Variants in ATAD2B observed in about 807,000 individuals in gnomAD.
ATAD2B encodes ATPase family AAA domain containing 2B.
In ATAD2B, 40 loss-of-function variants were observed where a neutral mutation model predicts 167.6. The observed-to-expected ratio is 0.24, with a 90% CI of 0.19 to 0.31. The LOEUF is 0.31. Among genes scored for constraint, ATAD2B ranks in the 10% least tolerant of loss-of-function variants. The pLI is 1.00. For missense variants in ATAD2B, 1,242 were observed against 1,757.2 expected (o/e 0.71, Z 5.24); for synonymous variants, 579 against 596.5 (o/e 0.97, Z 0.43).
chr2:23,731,039 T>A, the ATAD2B span, among the ~76,000 whole-genome samples: 2 of 151,406 alleles, frequency 1.3e-5, no homozygotes, highest in African/African-American at 4.8e-5. Context: ...GTTGTGTCAA[T>A]AGGACTCGGG....
chr2:23,685,609 A>G, the ATAD2B span, among the ~76,000 whole-genome samples: 3 of 152,222 alleles, frequency 2.0e-5, no homozygotes, highest in African/African-American at 7.2e-5. Flanking sequence ...CCCTGTGGGC[A>G]GGCTCTGGCT....
the ATAD2B span, among the ~76,000 whole-genome samples, chr2:23,698,626 G>A: frequency 1.3e-5 from 2 of 152,134 alleles, no homozygotes; most frequent in Non-Finnish European, 2.9e-5. Context: ...TATAGATTAA[G>A]ACAACAGCAC....
At chr2:23,792,163 C>T (rs548761792) in intron 19 of ATAD2B, among the ~76,000 whole-genome samples, 3 of 151,310 alleles carry the variant, frequency 2.0e-5, no homozygotes, top group East Asian at 2.0e-4. Flanking sequence ...CCTGGGTTCA[C>T]GCCATTCTCC....
At chr2:23,703,150 A>G in the ATAD2B span, 2 of 1,390,340 alleles carry the variant, frequency 1.4e-6, no homozygotes, top group Non-Finnish European at 9.4e-7. Flanking sequence ...CACAAGGTCC[A>G]TCTTGACCCT....
At position 23,895,916 on chromosome 2, in the gene ATAD2B, G is replaced by A. The variant is rs372193962; in HGVS notation, c.271C>T (p.Arg91Cys). 6.8e-6 allele frequency: 11 copies of A among 1,613,124 alleles called. No individual in the cohort carries two copies. Among genetic ancestry groups the A allele is most frequent in the East Asian group, 4.5e-5 (2 of 44,864 alleles). Reference protein sequence around the residue: ...SDSHVSPPAKRTLKQPDSVCK... With the variant: ...SDSHVSPPAKCTLKQPDSVCK... ...ACAGAATCAGGTTGTTTCAAAGTGC[G>A]TTTGGCTGGAGGAGATACGTGGCTA... is the stretch of plus-strand genomic sequence containing the variant. Residue 91 changes from arginine to cysteine, a missense_variant, in exon 2 of 28, where the codon CGC becomes TGC. This residue lies in a region of ATAD2B where 199 missense variants were observed against 194.9 expected (regional missense o/e 1.02). Transcript: ENST00000238789.
chr2:23,724,984 A>G, the ATAD2B span, among the ~76,000 whole-genome samples: 3 of 137,644 alleles, frequency 2.2e-5, no homozygotes, highest in Non-Finnish European at 4.6e-5. Flanking sequence ...CGGAGCTTGC[A>G]GTGAGCCGAG....
chr2:23,789,316 C>T (rs372471739), intron 19 of ATAD2B, among the ~76,000 whole-genome samples: 1 of 152,094 alleles, frequency 6.6e-6, no homozygotes. Flanking sequence ...TGCTCTTTAC[C>T]TCATCCAAAT....
chr2:23,893,724 C>A (rs562970076), intron 2 of ATAD2B, among the ~76,000 whole-genome samples: 4 of 143,640 alleles, frequency 2.8e-5, no homozygotes, highest in Non-Finnish European at 6.0e-5. Flanking sequence ...GGATGGAGTG[C>A]GATGGCGTGA....
At chr2:23,724,567 G>A in the ATAD2B span, among the ~76,000 whole-genome samples, 5 of 152,108 alleles carry the variant, frequency 3.3e-5, no homozygotes, top group Admixed American at 3.3e-4. Flanking sequence ...GGAGAAATAT[G>A]TTGCTGCAGA....
rs754343616 is a variant in ATAD2B at position 23,880,769 on chromosome 2, C to A, written c.785-14G>T. 2 of 1,470,730 alleles carry A rather than the reference C, an allele frequency of 1.4e-6. No homozygotes were observed. The highest frequency in any genetic ancestry group is 1.2e-5 in the South Asian group (1 of 85,074). The allele number at this position is 1,470,730 out of a possible 1,614,324, so 91.1% of individuals were successfully genotyped here. A position where few individuals can be genotyped will look rare whatever the true frequency, so the allele number is the denominator to read the frequency against. On this transcript the variant is annotated splice_polypyrimidine_tract_variant and intron_variant, in intron 6 of 27. Coordinates refer to ENST00000238789, the MANE Select transcript of ATAD2B (RefSeq NM_017552.4). The stretch of plus-strand genomic sequence containing the variant: ...CCTCTTGAGATTCTAGTTTCCCACA[C>A]ACAAAAAGAAAAGAAAAAGGCATTA...
chr2:23,694,080 A>G, the ATAD2B span, among the ~76,000 whole-genome samples: 1 of 152,216 alleles, frequency 6.6e-6, no homozygotes, highest in Non-Finnish European at 1.5e-5. Flanking sequence ...AGTGACAGCC[A>G]CAAGTCCCTA....
chr2:23,728,296 T>C, the ATAD2B span, among the ~76,000 whole-genome samples: 2 of 152,168 alleles, frequency 1.3e-5, no homozygotes, highest in African/African-American at 4.8e-5. Flanking sequence ...CCCTTTTGTA[T>C]AAACAAAGAG....
At chr2:23,778,791 G>T (rs908247895) in intron 22 of ATAD2B, among the ~76,000 whole-genome samples, 2 of 152,124 alleles carry the variant, frequency 1.3e-5, no homozygotes, top group Non-Finnish European at 2.9e-5. Flanking sequence ...AAATTCAGAA[G>T]GCTTAATTTG....
the ATAD2B span, among the ~76,000 whole-genome samples, chr2:23,699,695 G>A: frequency 4.1e-3 from 620 of 152,180 alleles, 2 homozygotes; most frequent in East Asian, 0.011. Flanking sequence ...CCTTCTCGGC[G>A]CCCAGCCCTG....
downstream of ATAD2B, among the ~76,000 whole-genome samples, chr2:23,747,483 A>T (rs762084182): frequency 6.6e-6 from 1 of 151,972 alleles, no homozygotes; most frequent in East Asian, 1.9e-4. Flanking sequence ...GTGGGGATCG[A>T]CTCTAGAAAA....
At chr2:23,780,222 T>TGAGCAACA (rs1392053147) in intron 22 of ATAD2B, among the ~76,000 whole-genome samples, 1 of 150,484 alleles carries the variant, frequency 6.6e-6, no homozygotes, top group Non-Finnish European at 1.5e-5. Context: ...CACTCCAGCC[T>TGAGCAACA]GAGCAACAGA....
At chr2:23,698,702 G>A in the ATAD2B span, among the ~76,000 whole-genome samples, 1 of 152,104 alleles carries the variant, frequency 6.6e-6, no homozygotes, top group African/African-American at 2.4e-5. Context: ...GCAATATATT[G>A]CAGTCACTGT....
chr2:23,712,787 A>C, the ATAD2B span, among the ~76,000 whole-genome samples: 2 of 152,222 alleles, frequency 1.3e-5, no homozygotes, highest in South Asian at 2.1e-4. Context: ...AAAAAAAATA[A>C]GACTCCAAGA....
intron 18 of ATAD2B, among the ~76,000 whole-genome samples, chr2:23,805,973 T>C (rs779436769): frequency 3.9e-5 from 6 of 152,214 alleles, no homozygotes; most frequent in Non-Finnish European, 8.8e-5. Flanking sequence ...TGCCCATATT[T>C]AGAAAACTTG....
Sources: gnomAD v4.1 joint callset for allele counts (sites outside exome capture counted in the v4.1 genomes callset) on GRCh38, gnomAD v4.1.1 for gene constraint, gnomAD v4.1.1 regional missense constraint, MANE v1.5 for transcripts, NCBI Gene and HGNC (gene_info 2026-07-23, HGNC 2026-07-21) for gene names.